MRPS25: variants seen among roughly 807,000 people sequenced by gnomAD.
MRPS25 encodes small ribosomal subunit protein mS25.
A neutral mutation model predicts 17.3 loss-of-function variants in MRPS25; 15 were observed. The ratio of observed to expected loss-of-function variants is 0.87; its 90% CI spans 0.58 to 1.34. MRPS25 has a LOEUF of 1.34. MRPS25 is among the 40% of genes most tolerant of loss of function. The pLI, the probability that MRPS25 is intolerant of heterozygous loss-of-function variation, is 0.00. For missense variants in MRPS25, 225 were observed against 218.6 expected (o/e 1.03, Z -0.19); for synonymous variants, 94 against 83.3 (o/e 1.13, Z -0.70).
chr3:15,051,170 T>A lies in MRPS25; in HGVS notation c.*1271A>T. On this transcript the variant is annotated 3_prime_UTR_variant, in exon 4 of 4. Transcript: ENST00000253686. ...CCGTGGTCCAACTGGTCCTTCACTT[T>A]ATAATTAAACTTATTTAAAAAATTT... The A allele has an allele frequency of 3.0e-6, 3 of 985,222 alleles. No homozygotes were observed. The highest frequency in any genetic ancestry group is 3.6e-6 in the Non-Finnish European group (3 of 829,792). The allele number at this position is 985,222 out of a possible 1,614,324, so 61.0% of individuals were successfully genotyped here.
downstream of MRPS25, chr3:15,044,322 G>A (rs2042376429): frequency 6.6e-6 from 1 of 152,158 alleles, no homozygotes; most frequent in African/African-American, 2.4e-5. Context: ...GTTCCCCCAG[G>A]TGTGTGCCAG....
chr3:15,060,941 G>C (rs1559329715), intron 1 of MRPS25, among the ~76,000 whole-genome samples: 1 of 152,082 alleles, frequency 6.6e-6, no homozygotes, highest in Non-Finnish European at 1.5e-5. Flanking sequence ...GAGGAATAGA[G>C]GCCTTGGAGA....
At position 15,049,875 on chromosome 3, in the gene MRPS25, C is replaced by G. The variant is rs976097107; in HGVS notation, c.*2566G>C. The stretch of plus-strand genomic sequence containing the variant: ...GCTCAAGTGATCCTCCTGCCTCAGC[C>G]TCCTGAGTAACTGGGACCACAGCAG... On this transcript the variant is annotated 3_prime_UTR_variant, in exon 4 of 4. Transcript: ENST00000253686. The G allele has an allele frequency of 6.7e-7, 1 of 1,498,864 alleles. No individual in the cohort carries two copies. Among genetic ancestry groups the G allele is most frequent in the Non-Finnish European group, 9.0e-7 (1 of 1,114,786 alleles). 92.8% of individuals were successfully genotyped at this position (1,498,864 alleles called of 1,614,324 possible).
chr3:15,061,757 T>C (rs1165235630), intron 1 of MRPS25, among the ~76,000 whole-genome samples: 1 of 147,950 alleles, frequency 6.8e-6, no homozygotes, highest in African/African-American at 2.5e-5. Context: ...CCGCCCATCG[T>C]CTGAGATGTG....
chr3:15,046,416 C>G (rs945997021), downstream of MRPS25: 1 of 152,230 alleles, frequency 6.6e-6, no homozygotes, highest in Non-Finnish European at 1.5e-5. Flanking sequence ...AGCTGTCTTA[C>G]TTGTTTGGGG....
chr3:15,050,532 C>G lies in MRPS25; in HGVS notation c.*1909G>C, dbSNP rs745427619. The G allele has an allele frequency of 4.1e-6, 4 of 985,364 alleles. No homozygotes were observed. The highest frequency in any genetic ancestry group is 1.1e-4 in the East Asian group (1 of 8,822). The allele number at this position is 985,364 out of a possible 1,614,324, so 61.0% of individuals were successfully genotyped here. A position where few individuals can be genotyped will look rare whatever the true frequency, so the allele number is the denominator to read the frequency against. On this transcript the variant is annotated 3_prime_UTR_variant, in exon 4 of 4. Coordinates refer to ENST00000253686, the MANE Select transcript of MRPS25 (RefSeq NM_022497.5). The stretch of plus-strand genomic sequence containing the variant: ...AGGAACTAGGTGCTTTCTGAAGAGC[C>G]CTTGCAGCCAAGTAGAACGCCCAGG...
At chr3:15,043,276 G>T, downstream of MRPS25, 1 of 279,314 alleles carries the variant, frequency 3.6e-6, no homozygotes. Flanking sequence ...AATTCTCAAA[G>T]GGCAAAAAAC....
At chr3:15,062,004 G>A (rs2042771971) in intron 1 of MRPS25, among the ~76,000 whole-genome samples, 1 of 150,326 alleles carries the variant, frequency 6.7e-6, no homozygotes, top group Admixed American at 6.6e-5. Flanking sequence ...GGGAAGTGAG[G>A]AGCGTCTCCG....
chr3:15,057,353 A>G (rs551999097), intron 2 of MRPS25, among the ~76,000 whole-genome samples: 1 of 152,234 alleles, frequency 6.6e-6, no homozygotes, highest in East Asian at 1.9e-4. Context: ...CATAAATCTC[A>G]TACTTCTAAC....
chr3:15,060,823 G>A (rs1234593062), intron 1 of MRPS25, among the ~76,000 whole-genome samples: 1 of 152,192 alleles, frequency 6.6e-6, no homozygotes, highest in African/African-American at 2.4e-5. Flanking sequence ...AGAGCTTGCA[G>A]TGAGCCGAGA....
rs535791208 is a variant in MRPS25 at position 15,056,215 on chromosome 3, A to C, written c.242-2748T>G. 5.0e-5 allele frequency among the ~76,000 whole-genome samples: 7 copies of C among 140,090 alleles called. 1 individual carries two copies. In the South Asian group the frequency reaches 1.5e-3, roughly 30 times the overall value. The allele number at this position is 140,090 out of a possible 152,430, so 91.9% of individuals were successfully genotyped here. On this transcript the variant is annotated intron_variant, in intron 2 of 3. Transcript: ENST00000253686. ...GGGCGACAGAGCGAGACTCTGTCTCAAAAAAAAAAAAGATTCAAACAGACT... is the reference window on the plus strand; with the variant it reads ...GGGCGACAGAGCGAGACTCTGTCTCCAAAAAAAAAAAGATTCAAACAGACT...
At position 15,048,657 on chromosome 3, in the gene MRPS25, A is replaced by G. The variant is rs1309052179; in HGVS notation, c.*3784T>C. ...AATTATTTTAATGACCATAGCATTCATGGACTCAAATGCTGCTGCCACACA... is the reference window on the plus strand; with the variant it reads ...AATTATTTTAATGACCATAGCATTCGTGGACTCAAATGCTGCTGCCACACA... On this transcript the variant is annotated 3_prime_UTR_variant, in exon 4 of 4. Transcript: ENST00000253686. 12 of 152,666 alleles carry G rather than the reference A, an allele frequency of 7.9e-5. No homozygotes were observed. Among genetic ancestry groups the G allele is most frequent in the African/African-American group, 1.7e-4 (7 of 41,456 alleles). 9.5% of individuals were successfully genotyped at this position (152,666 alleles called of 1,614,324 possible). A position where few individuals can be genotyped will look rare whatever the true frequency, so the allele number is the denominator to read the frequency against.
In MRPS25 at chr3:15,065,174, G is replaced by C; in HGVS notation, c.21C>G (p.Phe7Leu). 1 of 1,604,920 alleles carries C rather than the reference G, an allele frequency of 6.2e-7. No homozygotes were observed. The change falls in exon 1 of 4, where the codon TTC becomes TTG. Residue 7 changes from phenylalanine (F) to leucine (L), a missense_variant. Physicochemically the swap from Phe to Leu is conservative, Grantham distance 22. Transcript: ENST00000253686. Reference protein sequence around the residue: MPMKGRFPIRRTLQYLS... With the variant: MPMKGRLPIRRTLQYLS... ...GATATTGCAGGGTGCGGCGGATGGGGAAGCGGCCCTTCATGGGCATGGCGG... is the reference window on the plus strand; with the variant it reads ...GATATTGCAGGGTGCGGCGGATGGGCAAGCGGCCCTTCATGGGCATGGCGG...
Position 15,049,010 on chromosome 3 carries a change from A to C in MRPS25, c.*3431T>G, listed in dbSNP as rs913311561. The stretch of plus-strand genomic sequence containing the variant: ...CCTGTTGAAAGCTGCAGCTTTATAC[A>C]GCTTTCTTCTCCCTGTGAAATCACT... On this transcript the variant is annotated 3_prime_UTR_variant, in exon 4 of 4. Coordinates refer to ENST00000253686, the MANE Select transcript of MRPS25 (RefSeq NM_022497.5). The C allele has an allele frequency of 6.6e-6, 1 of 152,662 alleles. No homozygotes were observed. The highest frequency in any genetic ancestry group is 1.5e-5 in the Non-Finnish European group (1 of 68,038). The allele number at this position is 152,662 out of a possible 1,614,324, so 9.5% of individuals were successfully genotyped here.
Position 15,051,206 on chromosome 3 carries a change from GAC to G in MRPS25, c.*1233_*1234del. The G allele has an allele frequency of 1.0e-6, 1 of 980,176 alleles. No homozygotes were observed. Among genetic ancestry groups the G allele is most frequent in the African/African-American group, 1.7e-5 (1 of 57,220 alleles). 60.7% of individuals were successfully genotyped at this position (980,176 alleles called of 1,614,324 possible). ...TTATTTAAAAAATTTTTTTTCTTGA[GAC>G]AGTCTTGCTCTGTGGCCCAGGCTGG... On this transcript the variant is annotated 3_prime_UTR_variant, in exon 4 of 4. Coordinates refer to ENST00000253686, the MANE Select transcript of MRPS25 (RefSeq NM_022497.5).
intron 2 of MRPS25, among the ~76,000 whole-genome samples, chr3:15,058,769 G>A (rs1341077452): frequency 2.6e-5 from 4 of 152,134 alleles, no homozygotes; most frequent in Non-Finnish European, 4.4e-5. Context: ...TCTGTTACTT[G>A]CTCAGGATCA....
downstream of MRPS25, chr3:15,043,323 A>G (rs1427412465): frequency 2.7e-5 from 5 of 183,666 alleles, no homozygotes; most frequent in African/African-American, 4.7e-5. Context: ...GACTAGTATT[A>G]AAGAAAACTG....
At chr3:15,045,822 G>A (rs1042239518), downstream of MRPS25, 4 of 152,398 alleles carry the variant, frequency 2.6e-5, no homozygotes, top group African/African-American at 7.2e-5. Flanking sequence ...ATGGAGCCAC[G>A]TTCATGCTCC....
In MRPS25 at chr3:15,064,950, G is replaced by A. The variant is rs537208093; in HGVS notation, c.134+111C>T. 348 of 1,381,646 alleles carry A rather than the reference G, an allele frequency of 2.5e-4. 3 individuals are homozygous for A. The South Asian group carries it at 4.1e-3, about 16-fold the overall frequency. 85.6% of individuals were successfully genotyped at this position (1,381,646 alleles called of 1,614,324 possible). A position where few individuals can be genotyped will look rare whatever the true frequency, so the allele number is the denominator to read the frequency against. On this transcript the variant is annotated intron_variant, in intron 1 of 3. Transcript: ENST00000253686. Reference sequence around the variant, plus strand: ...GGGGGTAACAGCGCCGACCTGGGGGGCCCGCCCCGGGGATGAACGGCCGCC... The same window carrying A: ...GGGGGTAACAGCGCCGACCTGGGGGACCCGCCCCGGGGATGAACGGCCGCC...
Sources: gnomAD v4.1 joint callset for allele counts (sites outside exome capture counted in the v4.1 genomes callset) on GRCh38, gnomAD v4.1.1 for gene constraint, MANE v1.5 for transcripts, NCBI Gene and HGNC (gene_info 2026-07-23, HGNC 2026-07-21) for gene names.